Variants in FOXN3 observed in about 807,000 individuals in gnomAD.
FOXN3 encodes forkhead box N3.
A neutral mutation model predicts 38.4 loss-of-function variants in FOXN3; 7 were observed. That is an observed-to-expected ratio of 0.18 (90% CI 0.10 to 0.34). FOXN3 has a LOEUF of 0.34. FOXN3 is among the 10% of genes least tolerant of loss of function. FOXN3 has a pLI of 1.00. For synonymous variants in FOXN3, 230 were observed against 242.2 expected (o/e 0.95, Z 0.47); for missense variants, 456 against 613.4 (o/e 0.74, Z 2.71).
At chr14:89,351,373 A>C (rs1888965051) in intron 2 of FOXN3, 1 of 152,274 alleles carries the variant, frequency 6.6e-6, no homozygotes, top group Non-Finnish European at 1.5e-5. Flanking sequence ...AAGCAACAAA[A>C]GAACTCAGGC....
rs981094499 is a variant in FOXN3 at position 89,201,045 on chromosome 14, T to G, written c.746-20239A>C. 1.9e-4 allele frequency among the ~76,000 whole-genome samples: 29 copies of G among 151,676 alleles called. 1 individual carries two copies. Among genetic ancestry groups the G allele is most frequent in the Admixed American group, 1.7e-3 (26 of 15,228 alleles). Reference sequence around the variant, plus strand: ...GAGCCATTATTGAAGAGGCAGGGGGTTTTGATTTGGTTCTGTTTGGCTTGT... The same window carrying G: ...GAGCCATTATTGAAGAGGCAGGGGGGTTTGATTTGGTTCTGTTTGGCTTGT... On this transcript the variant is annotated intron_variant, in intron 4 of 5. Transcript: ENST00000557258.
intron 5 of FOXN3, among the ~76,000 whole-genome samples, chr14:89,175,311 T>A (rs1246455640): frequency 4.6e-5 from 7 of 152,148 alleles, no homozygotes; most frequent in Non-Finnish European, 1.0e-4. Context: ...AATAGGGTGA[T>A]CTAGACTTGT....
chr14:89,428,929 A>G (rs1892101680), intron 1 of FOXN3, among the ~76,000 whole-genome samples: 1 of 152,220 alleles, frequency 6.6e-6, no homozygotes, highest in Admixed American at 6.5e-5. Context: ...GGCCAGGTTC[A>G]ATGGGAGGGA....
At chr14:89,240,392 AAT>A (rs1414006592) in intron 4 of FOXN3, among the ~76,000 whole-genome samples, 1 of 152,258 alleles carries the variant, frequency 6.6e-6, no homozygotes, top group Non-Finnish European at 1.5e-5. Flanking sequence ...ACTTTTAACC[AAT>A]AGTGAAGACA....
Position 89,511,231 on chromosome 14 carries a change from T to TTC in FOXN3, c.-14-98742_-14-98741insGA, listed in dbSNP as rs1566681162. Among the ~76,000 whole-genome samples, 22 of 30,674 alleles carry TTC rather than the reference T, an allele frequency of 7.2e-4. 5 individuals carry two copies. The highest frequency in any genetic ancestry group is 1.1e-3 in the African/African-American group (17 of 15,806). 20.1% of individuals were successfully genotyped at this position (30,674 alleles called of 152,430 possible). ...TCTTTCTTTCTTTCTTTCTTTCTTT[T>TTC]CTTTCCTTTTCTTTCTTTTCTTTCT... On this transcript the variant is annotated intron_variant, in intron 1 of 6. Coordinates refer to the FOXN3 transcript ENST00000345097.
chr14:89,211,668 T>C (rs1448410563), intron 4 of FOXN3, among the ~76,000 whole-genome samples: 1 of 152,222 alleles, frequency 6.6e-6, no homozygotes, highest in Non-Finnish European at 1.5e-5. Context: ...GAGTGGATTA[T>C]ACAGAAAGGG....
chr14:89,398,030 A>G lies in FOXN3; in HGVS notation c.543+13904T>C, dbSNP rs539985290. ...CCAGTCTGACTATCCTGAAGGAACC[A>G]GCTAATAAAATGCTGTCTTCAGGAT... On this transcript the variant is annotated intron_variant, in intron 2 of 5. Coordinates refer to ENST00000557258, the MANE Select transcript of FOXN3 (RefSeq NM_005197.4). Among the ~76,000 whole-genome samples, 446 of 152,298 alleles carry G rather than the reference A, an allele frequency of 2.9e-3. 1 individual carries two copies. Among genetic ancestry groups the G allele is most frequent in the Admixed American group, 5.0e-3 (77 of 15,308 alleles).
chr14:89,164,034 A>C lies in FOXN3; in HGVS notation c.852-1065T>G, dbSNP rs756030536. On this transcript the variant is annotated intron_variant, in intron 5 of 5. Coordinates refer to ENST00000557258, the MANE Select transcript of FOXN3 (RefSeq NM_005197.4). The surrounding 1 kb of genome is among the most constrained non-coding windows in gnomAD (Gnocchi z 4.3). ...GTGCTTCCTTATCGCGAAAGTGGGA[A>C]TAGTAACTACACCTGCTCCCCGTGG... 1.3e-5 allele frequency among the ~76,000 whole-genome samples: 2 copies of C among 152,174 alleles called. No homozygotes were observed. The highest frequency in any genetic ancestry group is 2.9e-5 in the Non-Finnish European group (2 of 68,030).
intron 1 of FOXN3, among the ~76,000 whole-genome samples, chr14:89,612,621 C>T (rs1384269194): frequency 1.3e-5 from 2 of 151,576 alleles, no homozygotes; most frequent in African/African-American, 4.8e-5. Context: ...CACAGGGAGA[C>T]CCCATCTCTA....
At position 89,615,891 on chromosome 14, in the gene FOXN3, A is replaced by G. The variant is rs148116500; in HGVS notation, c.-15+3137T>C. Among the ~76,000 whole-genome samples the G allele has an allele frequency of 5.9e-3, 894 of 152,296 alleles. 10 individuals are homozygous for G. The highest frequency in any genetic ancestry group is 0.021 in the African/African-American group (857 of 41,568). On this transcript the variant is annotated intron_variant, in intron 1 of 6. Transcript: ENST00000345097. ...AGGACTCTCCTCCTCCCCACTCCCCATGCAATTAGTTGATGAAAATAAGGG... is the reference window on the plus strand; with the variant it reads ...AGGACTCTCCTCCTCCCCACTCCCCGTGCAATTAGTTGATGAAAATAAGGG...
intron 3 of FOXN3, among the ~76,000 whole-genome samples, chr14:89,307,557 G>A (rs1887413849): frequency 2.6e-5 from 4 of 152,118 alleles, no homozygotes; most frequent in Middle Eastern, 3.2e-3. Context: ...ACAGGCTCTC[G>A]TGAAAGTCGG....
chr14:89,343,525 GGAT>G (rs1424999830), intron 3 of FOXN3, among the ~76,000 whole-genome samples: 13 of 150,834 alleles, frequency 8.6e-5, no homozygotes, highest in African/African-American at 3.2e-4. Context: ...GCAGCAGGCA[GGAT>G]AATAGAACTT....
Position 89,334,375 on chromosome 14 carries a change from T to C in FOXN3, c.680+16297A>G, listed in dbSNP as rs537622385. On this transcript the variant is annotated intron_variant, in intron 3 of 5. Coordinates refer to ENST00000557258, the MANE Select transcript of FOXN3 (RefSeq NM_005197.4). ...CTGTAATCCCAGCACTTTGGGAGGA[T>C]GAGGCAGGTGGATCACCTGAGGTCA... Among the ~76,000 whole-genome samples the C allele has an allele frequency of 7.9e-5, 12 of 152,172 alleles. No individual in the cohort carries two copies. In the South Asian group the frequency reaches 2.5e-3, roughly 32 times the overall value.
At chr14:89,281,671 G>A (rs565974745) in intron 3 of FOXN3, among the ~76,000 whole-genome samples, 14 of 152,210 alleles carry the variant, frequency 9.2e-5, no homozygotes, top group South Asian at 4.1e-4. Context: ...GACACTTACC[G>A]CATTCATAGA....
intron 4 of FOXN3, among the ~76,000 whole-genome samples, chr14:89,200,455 C>T (rs974926156): frequency 5.3e-5 from 8 of 152,248 alleles, no homozygotes; most frequent in South Asian, 2.1e-4. Context: ...CTGTCTCAGG[C>T]GCCCCAATTC....
At position 89,156,504 on chromosome 14, in the gene FOXN3, G is replaced by GAA. The variant is rs113635186; in HGVS notation, c.*5908_*5909dup. 1 of 152,276 alleles carries GAA rather than the reference G, an allele frequency of 6.6e-6. No homozygotes were observed. The highest frequency in any genetic ancestry group is 2.4e-5 in the African/African-American group (1 of 41,336). The allele number at this position is 152,276 out of a possible 1,614,324, so 9.4% of individuals were successfully genotyped here. A position where few individuals can be genotyped will look rare whatever the true frequency, so the allele number is the denominator to read the frequency against. The stretch of plus-strand genomic sequence containing the variant: ...TTGGCAGTTTCATACAGAAAATACA[G>GAA]AAAAAAAATTGGCTTTTGAAAAATT... On this transcript the variant is annotated 3_prime_UTR_variant, in exon 6 of 6. Coordinates refer to ENST00000557258, the MANE Select transcript of FOXN3 (RefSeq NM_005197.4).
chr14:89,293,315 G>C (rs1021378845), intron 3 of FOXN3, among the ~76,000 whole-genome samples: 2 of 152,186 alleles, frequency 1.3e-5, no homozygotes, highest in Non-Finnish European at 2.9e-5. Flanking sequence ...GTGTCTATTC[G>C]TTTGCTGGGG....
Position 89,159,395 on chromosome 14 carries a change from G to A in FOXN3, c.*3019C>T, listed in dbSNP as rs1350096333. 6.6e-6 allele frequency: 1 copy of A among 152,604 alleles called. No individual in the cohort carries two copies. Among genetic ancestry groups the A allele is most frequent in the Admixed American group, 6.5e-5 (1 of 15,284 alleles). 9.5% of individuals were successfully genotyped at this position (152,604 alleles called of 1,614,324 possible). A position where few individuals can be genotyped will look rare whatever the true frequency, so the allele number is the denominator to read the frequency against. ...AAGTCTTCCGGCAGATCCAACGAAG[G>A]GAGACTCAGGAAAATCACACTTAGA... is the stretch of plus-strand genomic sequence containing the variant. On this transcript the variant is annotated 3_prime_UTR_variant, in exon 6 of 6. Transcript: ENST00000557258.
intron 4 of FOXN3, among the ~76,000 whole-genome samples, chr14:89,252,535 T>C (rs952585023): frequency 2.0e-5 from 3 of 151,622 alleles, no homozygotes; most frequent in Admixed American, 6.6e-5. Flanking sequence ...ATGCCTGTAA[T>C]CCCAGCTACT....
Sources: allele counts gnomAD v4.1 joint callset (sites outside exome capture counted in the v4.1 genomes callset), GRCh38; gene constraint gnomAD v4.1.1; non-coding constraint Gnocchi (gnomAD v3.1); transcripts MANE v1.5; gene names NCBI Gene and HGNC (gene_info 2026-07-23, HGNC 2026-07-21).